Variants in ACYP2 observed in about 807,000 individuals in gnomAD.
ACYP2 encodes acylphosphatase-2.
In ACYP2, 12 loss-of-function variants were observed where a neutral mutation model predicts 11.2. The ratio of observed to expected loss-of-function variants is 1.08; its 90% CI spans 0.69 to 1.74. The LOEUF (loss-of-function observed/expected upper bound fraction) is 1.74. Among genes scored for constraint, ACYP2 ranks in the 40% most tolerant of loss-of-function variants. The pLI, the probability that ACYP2 is intolerant of heterozygous loss-of-function variation, is 0.00. For synonymous variants in ACYP2, 43 were observed against 32.2 expected, an observed-to-expected ratio of 1.33 and a Z score of -1.13; for missense variants, 134 against 101.9, an observed-to-expected ratio of 1.31 and a Z score of -1.35.
At chr2:53,992,453 C>T (rs1007248486) in intron 2 of ACYP2, among the ~76,000 whole-genome samples, 2 of 152,264 alleles carry the variant, frequency 1.3e-5, no homozygotes, top group African/African-American at 2.4e-5. Context: ...AATTAGGAGG[C>T]GTTTTCAGCA....
chr2:54,025,491 C>G (rs569721857), intron 2 of ACYP2, among the ~76,000 whole-genome samples: 129 of 152,124 alleles, frequency 8.5e-4, no homozygotes, highest in Non-Finnish European at 1.7e-3. Flanking sequence ...ACATCCTATT[C>G]AACAAATGGT....
At chr2:54,112,180 C>G (rs2103719734) in intron 4 of ACYP2, among the ~76,000 whole-genome samples, 1 of 152,190 alleles carries the variant, frequency 6.6e-6, no homozygotes, top group Non-Finnish European at 1.5e-5. Context: ...CTATGTATTA[C>G]CTTAAACATG....
chr2:54,137,253 C>G (rs1038009829), intron 5 of ACYP2, among the ~76,000 whole-genome samples: 1 of 151,784 alleles, frequency 6.6e-6, no homozygotes, highest in African/African-American at 2.4e-5. Context: ...TGTTAGTGTT[C>G]TTGCTAGTTT....
At chr2:54,274,933 T>G (rs1370211444) in intron 6 of ACYP2, among the ~76,000 whole-genome samples, 1 of 152,238 alleles carries the variant, frequency 6.6e-6, no homozygotes, top group Non-Finnish European at 1.5e-5. Flanking sequence ...TGATATCATT[T>G]AACTAAACCA....
chr2:54,212,421 C>T lies in ACYP2; in HGVS notation c.404+73673C>T, dbSNP rs544161381. Among the ~76,000 whole-genome samples, 310 of 152,304 alleles carry T rather than the reference C, an allele frequency of 2.0e-3. 2 individuals are homozygous for T. Among genetic ancestry groups the T allele is most frequent in the African/African-American group, 7.2e-3 (300 of 41,578 alleles). ...CATCCTGGGACCTCAGCTGTAATCT[C>T]CTTTTCCCTGCACGGCTGACTGAGA... On this transcript the variant is annotated intron_variant, in intron 6 of 6. Coordinates refer to ENST00000607452, the MANE Select transcript of ACYP2 (RefSeq NM_001320586.2).
At chr2:54,175,859 G>A (rs753356300) in intron 6 of ACYP2, among the ~76,000 whole-genome samples, 3 of 152,074 alleles carry the variant, frequency 2.0e-5, no homozygotes, top group Non-Finnish European at 4.4e-5. Context: ...GTTGAAATCC[G>A]TTCCCCAGTG....
At chr2:54,199,604 T>G (rs1684668435) in intron 6 of ACYP2, among the ~76,000 whole-genome samples, 1 of 152,236 alleles carries the variant, frequency 6.6e-6, no homozygotes, top group African/African-American at 2.4e-5. Context: ...TGTTGTGGAT[T>G]GGATCTGCTT....
intron 6 of ACYP2, chr2:54,255,515 C>T (rs1573000751): frequency 1.2e-6 from 2 of 1,614,010 alleles, no homozygotes; most frequent in East Asian, 4.5e-5. Flanking sequence ...TTCACGGAGT[C>T]CAGTTCCAGC....
intron 2 of ACYP2, among the ~76,000 whole-genome samples, chr2:53,974,814 T>C (rs1318286043): frequency 6.6e-6 from 1 of 152,168 alleles, no homozygotes; most frequent in Non-Finnish European, 1.5e-5. Flanking sequence ...CTGAATTCTC[T>C]AGAGATAATT....
At chr2:54,188,320 G>T (rs974936084) in intron 6 of ACYP2, among the ~76,000 whole-genome samples, 3 of 152,002 alleles carry the variant, frequency 2.0e-5, no homozygotes, top group Non-Finnish European at 4.4e-5. Context: ...AAAGAATTTA[G>T]GATACATACA....
In ACYP2 at chr2:54,101,344, AT is replaced by A. The variant is rs577578879; in HGVS notation, c.278-34105del. ...TGTTTATATCTTTGCATTCTTGCCT[AT>A]TTTCTTCCCCTTGGGAGAGATTTAT... On this transcript the variant is annotated intron_variant, in intron 4 of 6. Transcript: ENST00000607452. Among the ~76,000 whole-genome samples, 10 of 151,896 alleles carry A rather than the reference AT, an allele frequency of 6.6e-5. No homozygotes were observed. In the East Asian group the frequency reaches 1.9e-3, roughly 29 times the overall value.
intron 6 of ACYP2, among the ~76,000 whole-genome samples, chr2:54,247,534 C>T (rs1275858903): frequency 6.6e-6 from 1 of 152,106 alleles, no homozygotes; most frequent in African/African-American, 2.4e-5. Flanking sequence ...ATCTTATATT[C>T]ATTTGTAGGT....
chr2:54,302,132 C>A (rs1457200737), intron 6 of ACYP2, among the ~76,000 whole-genome samples: 1 of 152,202 alleles, frequency 6.6e-6, no homozygotes, highest in African/African-American at 2.4e-5. Flanking sequence ...GTTATCAGCT[C>A]AGGTGGATTA....
At chr2:54,254,257 G>C (rs1572998251) in intron 6 of ACYP2, 1 of 152,484 alleles carries the variant, frequency 6.6e-6, no homozygotes, top group East Asian at 1.9e-4. Flanking sequence ...TGTGCTGACA[G>C]GAAAGCTGTG....
At chr2:54,258,127 GGGAGAAA>G (rs1197599049) in intron 6 of ACYP2, among the ~76,000 whole-genome samples, 9 of 152,240 alleles carry the variant, frequency 5.9e-5, no homozygotes, top group Admixed American at 1.3e-4. Context: ...ATTTTAGCAG[GGGAGAAA>G]GATAATAACA....
chr2:54,123,236 T>C (rs1680262593), intron 4 of ACYP2: 3 of 397,436 alleles, frequency 7.5e-6, no homozygotes, highest in Non-Finnish European at 1.3e-5. Context: ...AAAGATGCTT[T>C]CTCCTGCAGA....
chr2:54,054,221 C>T (rs1229472415), intron 3 of ACYP2, among the ~76,000 whole-genome samples: 1 of 152,154 alleles, frequency 6.6e-6, no homozygotes. Context: ...ATTCTGGGAA[C>T]ATTATTAGTT....
chr2:54,071,514 A>G (rs1677042475), intron 4 of ACYP2, among the ~76,000 whole-genome samples: 1 of 151,100 alleles, frequency 6.6e-6, no homozygotes, highest in Non-Finnish European at 1.5e-5. Context: ...CGCACAGGTG[A>G]GAGTGCAGTA....
intron 6 of ACYP2, among the ~76,000 whole-genome samples, chr2:54,201,098 T>C (rs1426787339): frequency 7.3e-6 from 1 of 137,298 alleles, no homozygotes; most frequent in Admixed American, 7.0e-5. Flanking sequence ...AAAATTTGGG[T>C]TCTCTCTCTC....
Sources: allele counts gnomAD v4.1 joint callset (sites outside exome capture counted in the v4.1 genomes callset), GRCh38; gene constraint gnomAD v4.1.1; transcripts MANE v1.5; gene names NCBI Gene and HGNC (gene_info 2026-07-23, HGNC 2026-07-21).